Variants in SLC35F2 observed in about 807,000 individuals in gnomAD.
The protein encoded by SLC35F2 is solute carrier family 35 member F2, also known as queuine/queuosine transporter SLC35F2.
In SLC35F2, 25 loss-of-function variants were observed where a neutral mutation model predicts 38.1. The ratio of observed to expected loss-of-function variants is 0.66; its 90% CI spans 0.48 to 0.92. SLC35F2 has a LOEUF of 0.92. SLC35F2 is among the 40% of genes least tolerant of loss of function. The pLI is 0.00. For synonymous variants in SLC35F2, 173 were observed against 181.7 expected (o/e 0.95, Z 0.38); for missense variants, 409 against 452.9 (o/e 0.90, Z 0.88).
chr11:107,799,641 A>T (rs1199723047), intron 7 of SLC35F2, among the ~76,000 whole-genome samples: 1 of 152,100 alleles, frequency 6.6e-6, no homozygotes, highest in African/African-American at 2.4e-5. Flanking sequence ...CCCAGGCTGG[A>T]GTGCAATGGC....
At chr11:107,837,526 A>G (rs1411264142) in intron 1 of SLC35F2, among the ~76,000 whole-genome samples, 1 of 38,546 alleles carries the variant, frequency 2.6e-5, no homozygotes, top group Non-Finnish European at 5.6e-5. Context: ...TGTCTCTACT[A>G]AAAAAAAAAA....
At chr11:107,817,407 A>G (rs945151419) in intron 1 of SLC35F2, among the ~76,000 whole-genome samples, 1 of 152,218 alleles carries the variant, frequency 6.6e-6, no homozygotes, top group African/African-American at 2.4e-5. Flanking sequence ...AACAATCTGG[A>G]GGCCTAGAGA....
At chr11:107,841,906 T>C (rs1233119164) in intron 1 of SLC35F2, among the ~76,000 whole-genome samples, 4 of 151,366 alleles carry the variant, frequency 2.6e-5, no homozygotes, top group Non-Finnish European at 5.9e-5. Flanking sequence ...CTACTAAAAA[T>C]ACACAAAAGA....
rs182506324 is a variant in SLC35F2, at chr11:107,810,770, C to T, written c.414+897G>A. The T allele has an allele frequency of 2.3e-4, 227 of 980,564 alleles. No individual in the cohort carries two copies. In the African/African-American group the frequency reaches 3.7e-3, roughly 16 times the overall value. 60.7% of individuals were successfully genotyped at this position (980,564 alleles called of 1,614,324 possible). ...TAGTAACATTTAATGTAGGTTCACA[C>T]TGGAAAAATACTGAGTTCTCATCAA... On this transcript the variant is annotated intron_variant, in intron 3 of 7. Transcript: ENST00000525815.
chr11:107,836,425 T>C (rs1323532629), intron 1 of SLC35F2, among the ~76,000 whole-genome samples: 2 of 152,088 alleles, frequency 1.3e-5, no homozygotes, highest in Non-Finnish European at 2.9e-5. Flanking sequence ...GTCCACACTC[T>C]CTCCCTCACC....
intron 1 of SLC35F2, among the ~76,000 whole-genome samples, chr11:107,825,254 T>G (rs898852278): frequency 2.0e-5 from 3 of 152,212 alleles, no homozygotes; most frequent in Admixed American, 6.5e-5. Flanking sequence ...AGCCCTAGCC[T>G]GGTGCTTCTC....
chr11:107,850,809 G>T (rs1860168985), intron 1 of SLC35F2, among the ~76,000 whole-genome samples: 2 of 148,562 alleles, frequency 1.3e-5, no homozygotes, highest in Admixed American at 6.7e-5. Flanking sequence ...ATGAGACTCC[G>T]TCTCCAAAAA....
At position 107,843,251 on chromosome 11, in the gene SLC35F2, C is replaced by T. The variant is rs138774442; in HGVS notation, c.110+15407G>A. ...AGCTTTAGGACTGGTGATGCGTTTA[C>T]GGGAACTTACTATATTAAAAAAGCA... On this transcript the variant is annotated intron_variant, in intron 1 of 7. Coordinates refer to ENST00000525815, the MANE Select transcript of SLC35F2 (RefSeq NM_017515.5). Among the ~76,000 whole-genome samples, 548 of 152,170 alleles carry T rather than the reference C, an allele frequency of 3.6e-3. 1 individual carries two copies. The highest frequency in any genetic ancestry group is 6.8e-3 in the Middle Eastern group (2 of 292).
chr11:107,811,310 G>C (rs1010028402), intron 3 of SLC35F2: 4 of 928,324 alleles, frequency 4.3e-6, no homozygotes, highest in African/African-American at 1.8e-5. Flanking sequence ...TGCTTGCAAA[G>C]CTTCAACTTT....
At chr11:107,842,155 C>T (rs1468591382) in intron 1 of SLC35F2, among the ~76,000 whole-genome samples, 3 of 147,608 alleles carry the variant, frequency 2.0e-5, no homozygotes, top group Non-Finnish European at 4.5e-5. Flanking sequence ...ACCCCAGCTA[C>T]TCAGGAGGCT....
At chr11:107,809,894 G>A (rs1040449303) in intron 3 of SLC35F2, 1 of 985,274 alleles carries the variant, frequency 1.0e-6, no homozygotes, top group Non-Finnish European at 1.2e-6. Flanking sequence ...AGCAGCACAG[G>A]GGAGAAGGAG....
In SLC35F2 at chr11:107,811,731, G is replaced by C. The variant is rs1859483421; in HGVS notation, c.350C>G (p.Ala117Gly). The change falls in exon 3 of 8, where the codon GCA (alanine) becomes GGA (glycine). Residue 117 changes from alanine (A) to glycine (G), a missense_variant. Physicochemically the swap from Ala to Gly is moderately conservative, Grantham distance 60 (BLOSUM62 0). Transcript: ENST00000525815. ...KWWKYILLGL[A>G]DVEANYVIVR... ...GATCACATAATTAGCTTCCACATCT[G>C]CTAGTCCCAGCAGGATGTACTTCCA... 6.2e-7 allele frequency: 1 copy of C among 1,613,010 alleles called. No individual in the cohort carries two copies. The highest frequency in any genetic ancestry group is 1.1e-5 in the South Asian group (1 of 91,066).
chr11:107,804,820 T>G lies in SLC35F2; in HGVS notation c.732-50A>C, dbSNP rs1859368370. The G allele has an allele frequency of 2.7e-6, 4 of 1,469,370 alleles. No homozygotes were observed. In the East Asian group the frequency reaches 9.3e-5, roughly 34 times the overall value. 91.0% of individuals were successfully genotyped at this position (1,469,370 alleles called of 1,614,324 possible). Reference sequence around the variant, plus strand: ...GAGAGGTCCACATACTAATTTTCACTATTTTATAAGCATTTTAGTCACTAT... The same window carrying G: ...GAGAGGTCCACATACTAATTTTCACGATTTTATAAGCATTTTAGTCACTAT... On this transcript the variant is annotated intron_variant, in intron 5 of 7. Coordinates refer to ENST00000525815, the MANE Select transcript of SLC35F2 (RefSeq NM_017515.5).
intron 2 of SLC35F2, among the ~76,000 whole-genome samples, chr11:107,814,262 G>A (rs1859527308): frequency 6.6e-6 from 1 of 152,080 alleles, no homozygotes; most frequent in African/African-American, 2.4e-5. Context: ...AAGGTCAGGA[G>A]TTCGAGACCA....
chr11:107,850,991 G>A lies in SLC35F2; in HGVS notation c.110+7667C>T, dbSNP rs566492580. ...GGTGAAACCCTGTCTTTAGCTGGGC[G>A]CGGTGGCTCACGCCTGTAATCCCAG... On this transcript the variant is annotated intron_variant, in intron 1 of 7. Transcript: ENST00000525815. Among the ~76,000 whole-genome samples the A allele has an allele frequency of 3.5e-3, 536 of 151,884 alleles. 1 individual carries two copies. Among genetic ancestry groups the A allele is most frequent in the Non-Finnish European group, 6.5e-3 (444 of 67,938 alleles).
intron 1 of SLC35F2, among the ~76,000 whole-genome samples, chr11:107,833,003 A>C (rs1177126134): frequency 6.6e-6 from 1 of 152,200 alleles, no homozygotes; most frequent in South Asian, 2.1e-4. Flanking sequence ...TGAGATTTCC[A>C]AACTGCTGAC....
rs1841942281 is a variant in SLC35F2, at chr11:107,854,947, C to T, written c.110+3711G>A. Among the ~76,000 whole-genome samples, 3 of 152,142 alleles carry T rather than the reference C, an allele frequency of 2.0e-5. No homozygotes were observed. The South Asian group carries it at 6.2e-4, about 32-fold the overall frequency. On this transcript the variant is annotated intron_variant, in intron 1 of 7. Transcript: ENST00000525815. ...TTTCTACACTCTCCCACCCTTGGTT[C>T]CCTGGCCACAGGTGGGGATTCACAA...
intron 1 of SLC35F2, among the ~76,000 whole-genome samples, chr11:107,856,159 T>C (rs1441438702): frequency 6.6e-6 from 1 of 151,716 alleles, no homozygotes; most frequent in Non-Finnish European, 1.5e-5. Context: ...CATTGTTAAT[T>C]CTTATCACAT....
At position 107,792,593 on chromosome 11, in the gene SLC35F2, A is replaced by T; in HGVS notation, c.*22T>A. 6.3e-7 allele frequency: 1 copy of T among 1,580,102 alleles called. No individual in the cohort carries two copies. Among genetic ancestry groups the T allele is most frequent in the Non-Finnish European group, 8.6e-7 (1 of 1,164,644 alleles). ...AGGCTCTGCTTTATCCTGGTGGGGG[A>T]TGGGTGCGCCATCTTCTCCAGCTAC... On this transcript the variant is annotated 3_prime_UTR_variant, in exon 8 of 8. Transcript: ENST00000525815.
Sources: gnomAD v4.1 joint callset for allele counts (sites outside exome capture counted in the v4.1 genomes callset) on GRCh38, gnomAD v4.1.1 for gene constraint, MANE v1.5 for transcripts, NCBI Gene and HGNC (gene_info 2026-07-23, HGNC 2026-07-21) for gene names.